LARP4: variants seen among roughly 807,000 people sequenced by gnomAD.
LARP4 encodes the protein la-related protein 4.
A neutral mutation model predicts 92.9 loss-of-function variants in LARP4; 29 were observed. That is an observed-to-expected ratio of 0.31 (90% CI 0.23 to 0.43). The LOEUF (loss-of-function observed/expected upper bound fraction) is 0.43. LARP4 is among the 20% of genes least tolerant of loss of function. The pLI is 1.00. For synonymous variants in LARP4, 279 were observed against 284.1 expected (o/e 0.98, Z 0.18); for missense variants, 732 against 860.0 (o/e 0.85, Z 1.86).
rs1445950501 is a variant in LARP4 at position 50,461,156 on chromosome 12, A to G, written c.1143A>G (p.Ser381=). ...QKNRVKPQFR[S]SGGSEHSTEG... Reference sequence around the variant, plus strand: ...ATAGTGTGAAGCCTCAGTTTAGGTCATCTGGTGGTTCAGAACACTCAACAG... The same window carrying G: ...ATAGTGTGAAGCCTCAGTTTAGGTCGTCTGGTGGTTCAGAACACTCAACAG... Residue 381 remains serine (S), a synonymous_variant, in exon 11 of 16, where the codon TCA becomes TCG. Coordinates refer to ENST00000398473, the MANE Select transcript of LARP4 (RefSeq NM_052879.5). The G allele has an allele frequency of 1.2e-6, 2 of 1,613,962 alleles. No homozygotes were observed. The highest frequency in any genetic ancestry group is 1.3e-5 in the African/African-American group (1 of 75,028).
chr12:50,442,487 C>G (rs563997257), intron 8 of LARP4, among the ~76,000 whole-genome samples: 3 of 152,338 alleles, frequency 2.0e-5, no homozygotes, highest in Admixed American at 2.0e-4. Flanking sequence ...TTTTTCCCCC[C>G]CTTAACAATC....
At chr12:50,456,693 A>G (rs1954315367) in intron 10 of LARP4, among the ~76,000 whole-genome samples, 1 of 151,624 alleles carries the variant, frequency 6.6e-6, no homozygotes, top group African/African-American at 2.4e-5. Context: ...GTCTTTTATC[A>G]CTTCTTTCTT....
At chr12:50,427,610 T>A (rs1483741193) in intron 1 of LARP4, 152 bp from the exon 2 acceptor site, 3 of 386,074 alleles carry the variant, frequency 7.8e-6, no homozygotes, top group Non-Finnish European at 1.3e-5. Flanking sequence ...CATTTTCAAG[T>A]TGATCAAAAC....
At chr12:50,439,105 T>A (rs1331940388) in intron 6 of LARP4, among the ~76,000 whole-genome samples, 1 of 152,110 alleles carries the variant, frequency 6.6e-6, no homozygotes, top group African/African-American at 2.4e-5. Flanking sequence ...GCCTGGCTAA[T>A]TTTTGTACTT....
At chr12:50,475,364 T>A (rs1264269173) in intron 15 of LARP4, among the ~76,000 whole-genome samples, 162 bp from the exon 16 acceptor site, 1 of 152,210 alleles carries the variant, frequency 6.6e-6, no homozygotes, top group Non-Finnish European at 1.5e-5. Flanking sequence ...GTATAATAAA[T>A]AAAGATTGTA....
intron 1 of LARP4, among the ~76,000 whole-genome samples, chr12:50,417,907 C>T (rs1947109705): frequency 6.6e-6 from 1 of 152,154 alleles, no homozygotes; most frequent in Non-Finnish European, 1.5e-5. Flanking sequence ...GTTACCCAGG[C>T]TGCAGTGTAA....
intron 10 of LARP4, among the ~76,000 whole-genome samples, chr12:50,459,047 G>A (rs1954844334): frequency 6.6e-6 from 1 of 152,166 alleles, no homozygotes; most frequent in Admixed American, 6.5e-5. Flanking sequence ...TGCCCAGGCT[G>A]GAGTGCAATG....
chr12:50,451,687 A>G (rs1001060135), intron 8 of LARP4, among the ~76,000 whole-genome samples: 2 of 152,124 alleles, frequency 1.3e-5, no homozygotes, highest in Non-Finnish European at 2.9e-5. Flanking sequence ...ATACAAAAAA[A>G]TTTGCTGGGT....
chr12:50,456,920 AT>A (rs35641350), intron 10 of LARP4, among the ~76,000 whole-genome samples: 10 of 151,358 alleles, frequency 6.6e-5, no homozygotes, highest in African/African-American at 1.2e-4. Flanking sequence ...GGTAATATAA[AT>A]TTTTTTTTTT....
chr12:50,402,494 G>GT (rs1944052554), intron 1 of LARP4, among the ~76,000 whole-genome samples: 1 of 152,136 alleles, frequency 6.6e-6, no homozygotes, highest in Admixed American at 6.6e-5. Context: ...TTTTAAGTGT[G>GT]TGTTTTGCTG....
At chr12:50,450,219 C>T (rs1593234892) in intron 8 of LARP4, among the ~76,000 whole-genome samples, 1 of 152,056 alleles carries the variant, frequency 6.6e-6, no homozygotes, top group Middle Eastern at 3.4e-3. Context: ...CGTGAGCCAC[C>T]CTGCCTGGCC....
chr12:50,409,586 C>T (rs1945464136), intron 1 of LARP4, among the ~76,000 whole-genome samples: 1 of 151,900 alleles, frequency 6.6e-6, no homozygotes, highest in Admixed American at 6.6e-5. Flanking sequence ...CATGGCAAAA[C>T]CCCATCTCTA....
intron 1 of LARP4, among the ~76,000 whole-genome samples, chr12:50,427,332 T>C (rs1249617065): frequency 1.3e-5 from 2 of 152,148 alleles, no homozygotes; most frequent in East Asian, 3.9e-4. Flanking sequence ...TTTGTGACAT[T>C]TGCAGGTAGG....
intron 10 of LARP4, among the ~76,000 whole-genome samples, chr12:50,456,062 C>T (rs996207986): frequency 6.6e-6 from 1 of 151,940 alleles, no homozygotes; most frequent in Non-Finnish European, 1.5e-5. Flanking sequence ...CCTGCAGCCA[C>T]GCCCTCTCAC....
chr12:50,417,851 G>A (rs1947096612), intron 1 of LARP4, among the ~76,000 whole-genome samples: 1 of 151,950 alleles, frequency 6.6e-6, no homozygotes, highest in South Asian at 2.1e-4. Flanking sequence ...ATGCCAACAT[G>A]CCTGGCTCAT....
intron 12 of LARP4, among the ~76,000 whole-genome samples, chr12:50,463,778 G>T (rs1032156613): frequency 3.9e-5 from 6 of 152,128 alleles, no homozygotes; most frequent in Non-Finnish European, 7.4e-5. Context: ...GAGTCTGGAG[G>T]ACGGTGGCCC....
At chr12:50,430,404 C>T (rs1593004579) in intron 3 of LARP4, 91 bp from the exon 4 acceptor site, 1 of 665,776 alleles carries the variant, frequency 1.5e-6, no homozygotes, top group East Asian at 2.6e-5. Flanking sequence ...ATTGTAGATA[C>T]TTTGTGGCTT....
chr12:50,470,348 A>C (rs1473167018), intron 13 of LARP4, among the ~76,000 whole-genome samples: 1 of 152,228 alleles, frequency 6.6e-6, no homozygotes, highest in Admixed American at 6.5e-5. Flanking sequence ...TTGGTACATA[A>C]AATAATGGTG....
chr12:50,418,666 C>T (rs1332239402), intron 1 of LARP4, among the ~76,000 whole-genome samples: 3 of 152,200 alleles, frequency 2.0e-5, no homozygotes, highest in South Asian at 2.1e-4. Flanking sequence ...AGCGATTTGC[C>T]TGCCTCAGCC....
Sources: allele counts gnomAD v4.1 joint callset (sites outside exome capture counted in the v4.1 genomes callset), GRCh38; gene constraint gnomAD v4.1.1; transcripts MANE v1.5; gene names NCBI Gene and HGNC (gene_info 2026-07-23, HGNC 2026-07-21).